Variants in YIPF5 observed in about 807,000 individuals in gnomAD.
YIPF5 encodes protein YIPF5.
Under a neutral mutation model 30.4 loss-of-function variants are expected in YIPF5, and 8 were observed. That is an observed-to-expected ratio of 0.26 (90% confidence interval 0.15 to 0.47). The LOEUF (loss-of-function observed/expected upper bound fraction) is 0.47, where lower values mean the gene tolerates loss of function less well. YIPF5 is among the 20% of genes least tolerant of loss of function. The pLI, the probability that YIPF5 is intolerant of heterozygous loss-of-function variation, is 0.99. For missense variants in YIPF5, 282 were observed against 301.8 expected, an observed-to-expected ratio of 0.93 and a Z score of 0.49; for synonymous variants, 104 against 107.9, an observed-to-expected ratio of 0.96 and a Z score of 0.23.
chr5:144,159,332 GA>G lies in YIPF5; in HGVS notation c.*1064del. ...ACTTTACATTGATAATTGCAATATT[GA>G]ATTTTGTAAAACTTTAAATATTTTC... On this transcript the variant is annotated 3_prime_UTR_variant, in exon 6 of 6. Coordinates refer to ENST00000274496, the MANE Select transcript of YIPF5 (RefSeq NM_030799.9). The G allele has an allele frequency of 1.0e-6, 1 of 978,944 alleles. No homozygotes were observed. Among genetic ancestry groups the G allele is most frequent in the South Asian group, 4.7e-5 (1 of 21,174 alleles). The allele number at this position is 978,944 out of a possible 1,614,324, so 60.6% of individuals were successfully genotyped here.
intron 4 of YIPF5, among the ~76,000 whole-genome samples, chr5:144,162,614 T>C (rs1369534080): frequency 6.6e-6 from 1 of 152,196 alleles, no homozygotes; most frequent in African/African-American, 2.4e-5. Context: ...CATTTTCCAG[T>C]TAGTGTGTAG....
intron 2 of YIPF5, among the ~76,000 whole-genome samples, chr5:144,166,274 C>A (rs1335825400): frequency 6.6e-6 from 1 of 152,114 alleles, no homozygotes; most frequent in Non-Finnish European, 1.5e-5. Flanking sequence ...CTTATTGTCT[C>A]ATTTGATATG....
rs535049871 is a variant in YIPF5, at chr5:144,158,503, C to T, written c.*1894G>A. The T allele has an allele frequency of 1.6e-5, 19 of 1,221,212 alleles. No homozygotes were observed. The South Asian group carries it at 2.6e-4, about 17-fold the overall frequency. The allele number at this position is 1,221,212 out of a possible 1,614,324, so 75.6% of individuals were successfully genotyped here. On this transcript the variant is annotated 3_prime_UTR_variant, in exon 6 of 6. Transcript: ENST00000274496. ...GAAGATTAACAGTGTTAAGTCTAAC[C>T]AACAGCGAGATAATTTTAATTTCCA...
At position 144,165,414 on chromosome 5, in the gene YIPF5, T is replaced by G. The variant is rs745453192; in HGVS notation, c.283+18A>C. ...CTGAATACTATTGAGTACTATCAAG[T>G]GTTGCAACAAATCTTACCTTCTAAT... On this transcript the variant is annotated intron_variant, in intron 3 of 5. Transcript: ENST00000274496. The G allele has an allele frequency of 6.2e-7, 1 of 1,613,606 alleles. No homozygotes were observed. The highest frequency in any genetic ancestry group is 1.7e-5 in the Admixed American group (1 of 60,010).
chr5:144,162,429 G>T, intron 4 of YIPF5, 30 bp from the exon 5 acceptor site: 1 of 1,570,208 alleles, frequency 6.4e-7, no homozygotes, highest in South Asian at 1.2e-5. Context: ...CAGGTTAAAG[G>T]GCAAAAAATA....
At chr5:144,167,701 C>T (rs1276305796) in intron 2 of YIPF5, among the ~76,000 whole-genome samples, 1 of 152,014 alleles carries the variant, frequency 6.6e-6, no homozygotes, top group Non-Finnish European at 1.5e-5. Context: ...TGTGAAACAC[C>T]TATAGAGGAA....
intron 2 of YIPF5, among the ~76,000 whole-genome samples, chr5:144,169,101 G>A (rs1752282756): frequency 6.6e-6 from 1 of 152,190 alleles, no homozygotes; most frequent in South Asian, 2.1e-4. Context: ...CCTAGTATAG[G>A]AAGCTCCTTT....
Position 144,160,001 on chromosome 5 carries a change from C to T in YIPF5, c.*396G>A. ...GGGATTACAGGCGTGAGCTACCACGCCCGGCCGTCTTGTGTCTTCTTTACT... is the reference window on the plus strand; with the variant it reads ...GGGATTACAGGCGTGAGCTACCACGTCCGGCCGTCTTGTGTCTTCTTTACT... On this transcript the variant is annotated 3_prime_UTR_variant, in exon 6 of 6. Transcript: ENST00000274496. 1.0e-6 allele frequency: 1 copy of T among 988,538 alleles called. No individual in the cohort carries two copies. Among genetic ancestry groups the T allele is most frequent in the Non-Finnish European group, 1.2e-6 (1 of 832,248 alleles). The allele number at this position is 988,538 out of a possible 1,614,324, so 61.2% of individuals were successfully genotyped here. A position where few individuals can be genotyped will look rare whatever the true frequency, so the allele number is the denominator to read the frequency against.
intron 2 of YIPF5, among the ~76,000 whole-genome samples, chr5:144,168,641 T>G (rs1752266896): frequency 6.6e-6 from 1 of 152,184 alleles, no homozygotes; most frequent in Non-Finnish European, 1.5e-5. Context: ...CGGGGTATTT[T>G]GACATGCTCA....
chr5:144,165,707 T>C (rs1752183602), intron 2 of YIPF5, 103 bp from the exon 3 acceptor site: 3 of 1,224,320 alleles, frequency 2.5e-6, no homozygotes, highest in Admixed American at 2.5e-5. Flanking sequence ...AGAACCTTAG[T>C]TGTGAAATTC....
intron 2 of YIPF5, among the ~76,000 whole-genome samples, chr5:144,167,909 G>A (rs1482547252): frequency 6.7e-6 from 1 of 148,356 alleles, no homozygotes; most frequent in Non-Finnish European, 1.5e-5. Context: ...GGTTAACGGA[G>A]ATGGACATTT....
rs984880964 is a variant in YIPF5 at position 144,159,916 on chromosome 5, A to G, written c.*481T>C. 1.1e-4 allele frequency: 83 copies of G among 778,050 alleles called. 1 individual carries two copies. The African/African-American group carries it at 1.2e-3, about 11-fold the overall frequency. The allele number at this position is 778,050 out of a possible 1,614,324, so 48.2% of individuals were successfully genotyped here. A position where few individuals can be genotyped will look rare whatever the true frequency, so the allele number is the denominator to read the frequency against. ...GTAGAGTCGGGGTTTCACCGTGTTA[A>G]CCAGGATGGTCTCGATCTCCTGCCC... is the stretch of plus-strand genomic sequence containing the variant. On this transcript the variant is annotated 3_prime_UTR_variant, in exon 6 of 6. Coordinates refer to ENST00000274496, the MANE Select transcript of YIPF5 (RefSeq NM_030799.9).
chr5:144,161,761 T>C (rs1752053243), intron 5 of YIPF5, among the ~76,000 whole-genome samples: 1 of 152,238 alleles, frequency 6.6e-6, no homozygotes. Context: ...CCTCTTATCA[T>C]AAAAAGAATA....
chr5:144,161,746 A>T (rs931035933), intron 5 of YIPF5, among the ~76,000 whole-genome samples: 1 of 152,250 alleles, frequency 6.6e-6, no homozygotes, highest in Admixed American at 6.5e-5. Flanking sequence ...GCAGGCTGAT[A>T]ACAGCCTCTT....
chr5:144,165,212 C>T (rs897667142), intron 3 of YIPF5, among the ~76,000 whole-genome samples: 7 of 152,174 alleles, frequency 4.6e-5, no homozygotes, highest in African/African-American at 1.7e-4. Flanking sequence ...GACATAGTAA[C>T]ATACTTTATT....
intron 2 of YIPF5, among the ~76,000 whole-genome samples, chr5:144,166,455 G>T (rs1378687968): frequency 6.6e-6 from 1 of 152,092 alleles, no homozygotes; most frequent in African/African-American, 2.4e-5. Context: ...AAGAAACACA[G>T]ATGTAAAATA....
Position 144,162,404 on chromosome 5 carries a change from G to T in YIPF5, c.430-5C>A. The T allele has an allele frequency of 6.2e-7, 1 of 1,606,442 alleles. No homozygotes were observed. The highest frequency in any genetic ancestry group is 1.1e-5 in the South Asian group (1 of 89,598). Reference sequence around the variant, plus strand: ...GCCAAACTGGATTTTGCCAGCCTATGGGTAAAGAAGATTACAGGTTAAAGG... The same window carrying T: ...GCCAAACTGGATTTTGCCAGCCTATTGGTAAAGAAGATTACAGGTTAAAGG... On this transcript the variant is annotated splice_polypyrimidine_tract_variant and splice_region_variant and intron_variant, in intron 4 of 5. Transcript: ENST00000274496.
intron 2 of YIPF5, 50 bp from the exon 3 acceptor site, chr5:144,165,654 A>G: frequency 6.4e-7 from 1 of 1,567,698 alleles, no homozygotes; most frequent in Non-Finnish European, 8.7e-7. Context: ...AACTCTGTAC[A>G]GTTAATATCC....
chr5:144,165,402 A>C, intron 3 of YIPF5, 30 bp downstream of exon 3: 1 of 1,609,940 alleles, frequency 6.2e-7, no homozygotes, highest in Non-Finnish European at 8.5e-7. Context: ...AATACTATTG[A>C]GTACTATCAA....
Sources: gnomAD v4.1 joint callset for allele counts (sites outside exome capture counted in the v4.1 genomes callset) on GRCh38, gnomAD v4.1.1 for gene constraint, MANE v1.5 for transcripts, NCBI Gene and HGNC (gene_info 2026-07-23, HGNC 2026-07-21) for gene names.